Variants in SYTL2 observed in about 807,000 individuals in gnomAD.
SYTL2 encodes synaptotagmin like 2, also known as synaptotagmin-like protein 2.
In SYTL2, 165 loss-of-function variants were observed where a neutral mutation model predicts 198.7. That is an observed-to-expected ratio of 0.83 (90% CI 0.73 to 0.94). The LOEUF (loss-of-function observed/expected upper bound fraction) is 0.94, where lower values mean the gene tolerates loss of function less well. Ranked by LOEUF, SYTL2 falls within the 40% of genes least tolerant of loss-of-function variation. The pLI is 0.00. For missense variants in SYTL2, 2,835 were observed against 2,582.8 expected (o/e 1.10, Z -2.12); for synonymous variants, 966 against 917.7 (o/e 1.05, Z -0.95).
chr11:85,735,954 A>C lies in SYTL2; in HGVS notation c.586+547T>G, dbSNP rs528021837. 9.4e-4 allele frequency among the ~76,000 whole-genome samples: 143 copies of C among 152,282 alleles called. 2 individuals are homozygous for C. The highest frequency in any genetic ancestry group is 3.2e-3 in the African/African-American group (135 of 41,558). On this transcript the variant is annotated intron_variant, in intron 6 of 19. Coordinates refer to ENST00000359152, the MANE Select transcript of SYTL2 (RefSeq NM_206927.4). Reference sequence around the variant, plus strand: ...CTTTAATGCTTGTGGAATCTTCTTCAAGTTGCTTTTGAAGAGATTGAAATG... The same window carrying C: ...CTTTAATGCTTGTGGAATCTTCTTCCAGTTGCTTTTGAAGAGATTGAAATG...
intron 4 of SYTL2, among the ~76,000 whole-genome samples, chr11:85,739,745 T>G (rs1263574317): frequency 6.6e-6 from 1 of 152,158 alleles, no homozygotes; most frequent in Non-Finnish European, 1.5e-5. Flanking sequence ...TCACAGAGGT[T>G]AAGTCACCTG....
intron 1 of SYTL2, among the ~76,000 whole-genome samples, chr11:85,773,978 G>C (rs1261795947): frequency 1.3e-5 from 2 of 151,384 alleles, no homozygotes; most frequent in Non-Finnish European, 2.9e-5. Context: ...CTTTTACCAA[G>C]AGGAAGGAAA....
At chr11:85,742,512 A>G (rs1463177877) in intron 4 of SYTL2, among the ~76,000 whole-genome samples, 1 of 152,212 alleles carries the variant, frequency 6.6e-6, no homozygotes. Context: ...TGCTATCAGC[A>G]TATGGTTCAT....
chr11:85,741,872 C>G (rs1388345873), intron 4 of SYTL2, among the ~76,000 whole-genome samples: 1 of 152,192 alleles, frequency 6.6e-6, no homozygotes, highest in Non-Finnish European at 1.5e-5. Context: ...ATCCCTAAGG[C>G]ACAGGCAATG....
Position 85,725,076 on chromosome 11 carries a change from G to C in SYTL2, c.4282C>G (p.Pro1428Ala). ...SPWATMDTIV[P>A]DRKDFYSSNV... The stretch of plus-strand genomic sequence containing the variant: ...GAGGAATAAAAATCCTTCCTGTCTG[G>C]AACTATGGTGTCCATCGTAGCCCAT... The change falls in exon 8 of 20, where the codon CCA (proline) becomes GCA (alanine). Residue 1428 changes from proline (P) to alanine (A), a missense_variant. Pro to Ala is a conservative substitution (Grantham distance 27). This residue lies in a region of SYTL2 where 2,645 missense variants were observed against 2,381.7 expected (regional missense o/e 1.11). Coordinates refer to ENST00000359152, the MANE Select transcript of SYTL2 (RefSeq NM_206927.4). The C allele has an allele frequency of 6.2e-7, 1 of 1,614,112 alleles. No individual in the cohort carries two copies. Among genetic ancestry groups the C allele is most frequent in the Non-Finnish European group, 8.5e-7 (1 of 1,179,982 alleles).
intron 2 of SYTL2, among the ~76,000 whole-genome samples, chr11:85,749,166 T>G (rs2091359168): frequency 6.6e-6 from 1 of 152,164 alleles, no homozygotes; most frequent in Non-Finnish European, 1.5e-5. Context: ...AACAAGATAG[T>G]CTGCCCTCCT....
Position 85,720,978 on chromosome 11 carries a change from G to T in SYTL2, c.5327-19C>A. On this transcript the variant is annotated intron_variant, in intron 8 of 19. Coordinates refer to ENST00000359152, the MANE Select transcript of SYTL2 (RefSeq NM_206927.4). Reference sequence around the variant, plus strand: ...TCTGAACCTGTTATAAAACAAAATCGATGAACACTGCACAATACCAAAAAA... The same window carrying T: ...TCTGAACCTGTTATAAAACAAAATCTATGAACACTGCACAATACCAAAAAA... 6.8e-7 allele frequency: 1 copy of T among 1,477,844 alleles called. No individual in the cohort carries two copies. The highest frequency in any genetic ancestry group is 9.4e-7 in the Non-Finnish European group (1 of 1,060,716). The allele number at this position is 1,477,844 out of a possible 1,614,324, so 91.5% of individuals were successfully genotyped here.
intron 1 of SYTL2, among the ~76,000 whole-genome samples, chr11:85,799,504 G>A (rs1592072047): frequency 6.6e-6 from 1 of 152,114 alleles, no homozygotes; most frequent in African/African-American, 2.4e-5. Flanking sequence ...CAACAAAAGG[G>A]ACTAAAAGTC....
chr11:85,813,997 T>C (rs2093058614), upstream of SYTL2, among the ~76,000 whole-genome samples: 1 of 152,204 alleles, frequency 6.6e-6, no homozygotes, highest in Admixed American at 6.5e-5. Context: ...CGTGAGCCAC[T>C]GCACCCAGCC....
At position 85,763,908 on chromosome 11, in the gene SYTL2, C is replaced by T. The variant is rs191602719; in HGVS notation, c.-389-5794G>A. Among the ~76,000 whole-genome samples the T allele has an allele frequency of 2.1e-4, 32 of 152,330 alleles. 1 individual carries two copies. The highest frequency in any genetic ancestry group is 6.0e-4 in the African/African-American group (25 of 41,578). On this transcript the variant is annotated intron_variant, in intron 1 of 19. Transcript: ENST00000359152. ...GATGGAAGGAAGGAGAAGCCAAAGA[C>T]GGAACAAGTTGAATGTGACAATCAG...
At chr11:85,742,293 T>C (rs893436719) in intron 4 of SYTL2, among the ~76,000 whole-genome samples, 9 of 152,190 alleles carry the variant, frequency 5.9e-5, no homozygotes, top group African/African-American at 2.2e-4. Context: ...CCAGGGCTTA[T>C]GGGGACACTT....
intron 1 of SYTL2, among the ~76,000 whole-genome samples, chr11:85,795,902 G>A (rs2092797337): frequency 6.6e-6 from 1 of 152,244 alleles, no homozygotes; most frequent in East Asian, 1.9e-4. Context: ...AAGGACTCAG[G>A]AAAGGTGACA....
rs2091950291 is a variant in SYTL2 at position 85,757,735 on chromosome 11, T to C, written c.-10A>G. ...AGCTTAAGTCAATCATTTTGAAAAG[T>C]GCATGCAAAAATAATAGCAACAAAT... On this transcript the variant is annotated 5_prime_UTR_variant, in exon 2 of 20. Transcript: ENST00000359152. 1.2e-6 allele frequency: 2 copies of C among 1,610,870 alleles called. No individual in the cohort carries two copies. Among genetic ancestry groups the C allele is most frequent in the Non-Finnish European group, 1.7e-6 (2 of 1,179,850 alleles).
At chr11:85,803,748 T>C (rs1442609525) in intron 1 of SYTL2, among the ~76,000 whole-genome samples, 1 of 152,216 alleles carries the variant, frequency 6.6e-6, no homozygotes. Context: ...TAACCTGGGA[T>C]CAATTGTTTG....
intron 13 of SYTL2, among the ~76,000 whole-genome samples, chr11:85,709,785 C>T (rs1284256216): frequency 4.6e-5 from 7 of 152,118 alleles, no homozygotes; most frequent in African/African-American, 9.7e-5. Flanking sequence ...CAGGTTCAGG[C>T]GATTCTCCTG....
At chr11:85,818,005 C>T in the SYTL2 span, among the ~76,000 whole-genome samples, 1 of 149,132 alleles carries the variant, frequency 6.7e-6, no homozygotes, top group Non-Finnish European at 1.5e-5. Flanking sequence ...CCGGATTCAG[C>T]GATTTTCTTG....
intron 1 of SYTL2, among the ~76,000 whole-genome samples, chr11:85,768,130 G>C (rs1223909853): frequency 6.6e-6 from 1 of 152,152 alleles, no homozygotes; most frequent in Non-Finnish European, 1.5e-5. Flanking sequence ...CCTCAGCCTA[G>C]TCCCAGACCT....
At chr11:85,699,449 T>A (rs556663535) in intron 17 of SYTL2, among the ~76,000 whole-genome samples, 1 of 152,282 alleles carries the variant, frequency 6.6e-6, no homozygotes, top group South Asian at 2.1e-4. Context: ...CTTTAAATGA[T>A]AGGATACAAA....
chr11:85,781,769 C>T (rs1334208253), intron 1 of SYTL2, among the ~76,000 whole-genome samples: 1 of 152,232 alleles, frequency 6.6e-6, no homozygotes, highest in African/African-American at 2.4e-5. Flanking sequence ...AAAATGATCT[C>T]CTTTGAGATC....
Sources: allele counts gnomAD v4.1 joint callset (sites outside exome capture counted in the v4.1 genomes callset), GRCh38; gene constraint gnomAD v4.1.1; regional missense constraint gnomAD v4.1.1; transcripts MANE v1.5; gene names NCBI Gene and HGNC (gene_info 2026-07-23, HGNC 2026-07-21).